The following RNF130 variants were observed in gnomAD, a reference collection of about 807,000 sequenced individuals.
RNF130 encodes the protein ring finger protein 130.
In RNF130, 21 loss-of-function variants were observed where a neutral mutation model predicts 44.6. The observed-to-expected ratio is 0.47, with a 90% confidence interval of 0.33 to 0.68. The LOEUF (loss-of-function observed/expected upper bound fraction) is 0.68, where lower values mean the gene tolerates loss of function less well. Among genes scored for constraint, RNF130 ranks in the 30% least tolerant of loss-of-function variants. RNF130 has a pLI of 0.02. For synonymous variants in RNF130, 214 were observed against 210.4 expected (o/e 1.02, Z -0.15); for missense variants, 479 against 560.6 (o/e 0.85, Z 1.47).
chr5:180,025,668 T>G (rs1179966065), intron 2 of RNF130, among the ~76,000 whole-genome samples: 1 of 152,202 alleles, frequency 6.6e-6, no homozygotes, highest in Non-Finnish European at 1.5e-5. Flanking sequence ...AGATGGAAGA[T>G]ACAGTAGAAG....
chr5:179,981,653 T>C (rs999284859), intron 3 of RNF130, among the ~76,000 whole-genome samples: 1 of 152,226 alleles, frequency 6.6e-6, no homozygotes, highest in Non-Finnish European at 1.5e-5. Context: ...ACACGGGCTT[T>C]TGTTAGATGC....
chr5:180,068,413 ATG>A (rs1463277680), intron 1 of RNF130, among the ~76,000 whole-genome samples: 24 of 152,356 alleles, frequency 1.6e-4, no homozygotes, highest in African/African-American at 4.3e-4. Context: ...AAAATATAAA[ATG>A]TGTTAGCCCC....
At chr5:179,912,371 C>T (rs965539525) in exon 8 of RNF130, 2 of 152,224 alleles carry the variant, frequency 1.3e-5, no homozygotes, top group African/African-American at 4.8e-5. Context: ...AGCTTGGAGC[C>T]TTTTCCTGTT....
chr5:179,992,366 T>C (rs1213262993), intron 3 of RNF130, among the ~76,000 whole-genome samples: 1 of 152,160 alleles, frequency 6.6e-6, no homozygotes, highest in African/African-American at 2.4e-5. Flanking sequence ...TGAGTCTCGA[T>C]CTCCTGACCT....
chr5:180,007,916 C>G (rs559134679), intron 3 of RNF130, among the ~76,000 whole-genome samples: 1 of 152,194 alleles, frequency 6.6e-6, no homozygotes, highest in East Asian at 1.9e-4. Flanking sequence ...AACAACACCA[C>G]TCCAGAGCAG....
intron 2 of RNF130, among the ~76,000 whole-genome samples, chr5:180,033,929 A>C (rs1483810121): frequency 3.9e-5 from 6 of 152,140 alleles, no homozygotes; most frequent in Non-Finnish European, 1.5e-5. Context: ...AAAAATGTTG[A>C]GTAAGTATAA....
Position 179,955,131 on chromosome 5 carries a change from C to G in RNF130, c.*523G>C, listed in dbSNP as rs911283717. Reference sequence around the variant, plus strand: ...AAGCACTCTGTTGGGTGCAGGGGCACAGTGGGGAGCAAATGTTACAAGTCC... The same window carrying G: ...AAGCACTCTGTTGGGTGCAGGGGCAGAGTGGGGAGCAAATGTTACAAGTCC... On this transcript the variant is annotated 3_prime_UTR_variant, in exon 9 of 9. Transcript: ENST00000521389. The G allele has an allele frequency of 6.5e-6, 1 of 152,682 alleles. No homozygotes were observed. Among genetic ancestry groups the G allele is most frequent in the Non-Finnish European group, 1.5e-5 (1 of 68,398 alleles). 9.5% of individuals were successfully genotyped at this position (152,682 alleles called of 1,614,324 possible).
At chr5:179,944,517 G>A (rs965081391) in intron 7 of RNF130, among the ~76,000 whole-genome samples, 13 of 152,134 alleles carry the variant, frequency 8.5e-5, no homozygotes, top group African/African-American at 2.4e-4. Context: ...AGGCTGGAGT[G>A]CAGTGCCACA....
intron 1 of RNF130, among the ~76,000 whole-genome samples, chr5:180,045,581 A>G (rs2113149757): frequency 6.6e-6 from 1 of 152,030 alleles, no homozygotes; most frequent in South Asian, 2.1e-4. Context: ...CCCTTATCTG[A>G]CCCCACCCAC....
chr5:179,944,159 G>GT (rs1022043741), intron 7 of RNF130, among the ~76,000 whole-genome samples: 3 of 130,820 alleles, frequency 2.3e-5, no homozygotes, highest in African/African-American at 9.3e-5. Flanking sequence ...AGTAGAGACG[G>GT]GGGGGTTCAC....
chr5:179,927,347 T>G (rs1007762722), intron 7 of RNF130, among the ~76,000 whole-genome samples: 1 of 152,182 alleles, frequency 6.6e-6, no homozygotes, highest in African/African-American at 2.4e-5. Flanking sequence ...GGCTACATAA[T>G]GTTATTAAGT....
At chr5:180,050,376 C>A (rs995328825) in intron 1 of RNF130, among the ~76,000 whole-genome samples, 1 of 152,192 alleles carries the variant, frequency 6.6e-6, no homozygotes, top group Non-Finnish European at 1.5e-5. Flanking sequence ...GGGAGTGTCA[C>A]TTTTTTGTTC....
chr5:180,068,804 G>A (rs780074734), intron 1 of RNF130, among the ~76,000 whole-genome samples: 6 of 152,110 alleles, frequency 3.9e-5, no homozygotes, highest in Admixed American at 6.6e-5. Context: ...AAATTTTCAT[G>A]AATTTCACGT....
chr5:179,959,626 C>CAA (rs879337220), intron 8 of RNF130, among the ~76,000 whole-genome samples: 4 of 101,916 alleles, frequency 3.9e-5, no homozygotes, highest in African/African-American at 3.7e-5. Flanking sequence ...GACTCCGTCT[C>CAA]AAAAAAAAAA....
chr5:180,026,768 A>G (rs1183360434), intron 2 of RNF130, among the ~76,000 whole-genome samples: 4 of 152,354 alleles, frequency 2.6e-5, no homozygotes, highest in African/African-American at 7.2e-5. Context: ...ACCAAACTAA[A>G]TAACTTAATA....
At chr5:180,003,846 G>A (rs937987190) in intron 3 of RNF130, among the ~76,000 whole-genome samples, 1 of 152,060 alleles carries the variant, frequency 6.6e-6, no homozygotes, top group African/African-American at 2.4e-5. Flanking sequence ...TCAAGGTGTG[G>A]TCCATGGGGC....
intron 3 of RNF130, among the ~76,000 whole-genome samples, chr5:179,988,429 A>C (rs534017915): frequency 6.6e-6 from 1 of 152,034 alleles, no homozygotes; most frequent in Admixed American, 6.5e-5. Context: ...TATTTCTTTC[A>C]TTCTACCAAT....
At chr5:180,019,110 C>T (rs576282923) in intron 2 of RNF130, among the ~76,000 whole-genome samples, 22 of 152,252 alleles carry the variant, frequency 1.4e-4, no homozygotes, top group South Asian at 8.3e-4. Context: ...TGAGGCCGGG[C>T]GGGGTGGCTC....
intron 5 of RNF130, among the ~76,000 whole-genome samples, chr5:179,975,354 T>G (rs1389038506): frequency 1.3e-5 from 2 of 152,146 alleles, no homozygotes; most frequent in African/African-American, 4.8e-5. Context: ...CACAACTGTG[T>G]GTGGGTGGGC....
Sources: allele counts gnomAD v4.1 joint callset (sites outside exome capture counted in the v4.1 genomes callset), GRCh38; gene constraint gnomAD v4.1.1; transcripts MANE v1.5; gene names NCBI Gene and HGNC (gene_info 2026-07-23, HGNC 2026-07-21).